Variants in SLC26A7 observed in about 807,000 individuals in gnomAD.
SLC26A7 encodes solute carrier family 26 member 7.
In SLC26A7, 59 loss-of-function variants were observed where a neutral mutation model predicts 82.5. The observed-to-expected ratio is 0.72, with a 90% CI of 0.58 to 0.89. The LOEUF (loss-of-function observed/expected upper bound fraction) is 0.89. Among genes scored for constraint, SLC26A7 ranks in the 40% least tolerant of loss-of-function variants. The probability of loss-of-function intolerance (pLI) is 0.00; values close to 1 mark genes in which losing one functional copy is unlikely to be tolerated. For missense variants in SLC26A7, 820 were observed against 793.0 expected, an observed-to-expected ratio of 1.03 and a Z score of -0.41; for synonymous variants, 271 against 274.3, an observed-to-expected ratio of 0.99 and a Z score of 0.12.
chr8:91,367,851 A>G (rs114469632), intron 14 of SLC26A7, among the ~76,000 whole-genome samples: 4,764 of 152,220 alleles, frequency 0.031, 263 homozygotes, highest in African/African-American at 0.11. Context: ...ATTTAGGTAC[A>G]CAGAAGATCT....
At chr8:91,358,199 T>G (rs1322207870) in intron 11 of SLC26A7, among the ~76,000 whole-genome samples, 2 of 152,190 alleles carry the variant, frequency 1.3e-5, no homozygotes, top group African/African-American at 4.8e-5. Flanking sequence ...GAAGACCGTG[T>G]GGCAATTCTT....
intron 3 of SLC26A7, among the ~76,000 whole-genome samples, chr8:91,295,227 T>C (rs1245107193): frequency 6.6e-6 from 1 of 152,222 alleles, no homozygotes; most frequent in African/African-American, 2.4e-5. Context: ...GGCCGTAATC[T>C]TATTTCCTGT....
At chr8:91,327,760 A>T (rs1306515546) in intron 5 of SLC26A7, among the ~76,000 whole-genome samples, 1 of 152,200 alleles carries the variant, frequency 6.6e-6, no homozygotes, top group East Asian at 1.9e-4. Flanking sequence ...TTGTTTCTCT[A>T]GTCAAACACT....
intron 2 of SLC26A7, among the ~76,000 whole-genome samples, chr8:91,251,028 T>C (rs1340149970): frequency 1.5e-5 from 2 of 129,116 alleles, no homozygotes; most frequent in Admixed American, 1.5e-4. Flanking sequence ...CCAATGTACT[T>C]TGAAAACTTA....
intron 4 of SLC26A7, among the ~76,000 whole-genome samples, chr8:91,308,169 C>G (rs1483940804): frequency 6.6e-6 from 1 of 151,806 alleles, no homozygotes; most frequent in South Asian, 2.1e-4. Context: ...AGGTAGTCTA[C>G]AGAATGCCCC....
intron 18 of SLC26A7, chr8:91,394,417 G>C (rs1425706088): frequency 1.5e-5 from 21 of 1,439,536 alleles, no homozygotes; most frequent in Non-Finnish European, 1.9e-5. Flanking sequence ...TTTCTGCTCT[G>C]ATATCTTGCC....
rs796785507 is a variant in SLC26A7 at position 91,357,759 on chromosome 8, G to T, written c.1315-4594G>T. On this transcript the variant is annotated intron_variant, in intron 11 of 18. Coordinates refer to ENST00000276609, the MANE Select transcript of SLC26A7 (RefSeq NM_052832.4). ...GCAACAAAAGCCAAAATTGACAAAT[G>T]GGATCTAACTAAACTAAAGAGCTTC... Among the ~76,000 whole-genome samples the T allele has an allele frequency of 2.0e-5, 3 of 152,142 alleles. No individual in the cohort carries two copies. In the South Asian group the frequency reaches 6.2e-4, roughly 32 times the overall value.
intron 15 of SLC26A7, among the ~76,000 whole-genome samples, chr8:91,385,397 A>C (rs1388243334): frequency 6.6e-6 from 1 of 152,238 alleles, no homozygotes; most frequent in Non-Finnish European, 1.5e-5. Flanking sequence ...AGAAAACTTC[A>C]CTTATTTTTG....
At chr8:91,349,354 CTT>C (rs1813653350) in intron 9 of SLC26A7, among the ~76,000 whole-genome samples, 1 of 152,106 alleles carries the variant, frequency 6.6e-6, no homozygotes, top group Admixed American at 6.6e-5. Flanking sequence ...TAACTCTTGA[CTT>C]ATTTTTACTA....
In SLC26A7 at chr8:91,258,502, C is replaced by T. The variant is rs564441138; in HGVS notation, c.193+8658C>T. On this transcript the variant is annotated intron_variant, in intron 2 of 18. Coordinates refer to ENST00000276609, the MANE Select transcript of SLC26A7 (RefSeq NM_052832.4). ...AATTAACCAAGTTCTGTAAATTCTT[C>T]CCTCTTAATGTCTGTCTAATACACC... Among the ~76,000 whole-genome samples, 9 of 152,162 alleles carry T rather than the reference C, an allele frequency of 5.9e-5. No homozygotes were observed. The South Asian group carries it at 6.2e-4, about 11-fold the overall frequency.
intron 4 of SLC26A7, among the ~76,000 whole-genome samples, chr8:91,311,473 A>G (rs1335330647): frequency 3.3e-5 from 5 of 152,206 alleles, no homozygotes; most frequent in Non-Finnish European, 5.9e-5. Flanking sequence ...ATACATATAT[A>G]TAATGTGGAA....
chr8:91,233,436 A>G (rs973266168), intron 2 of SLC26A7, among the ~76,000 whole-genome samples: 1 of 152,010 alleles, frequency 6.6e-6, no homozygotes, highest in East Asian at 1.9e-4. Flanking sequence ...GCATGGCGGC[A>G]CACACCTGTA....
At chr8:91,256,727 T>C (rs1810814256) in intron 2 of SLC26A7, among the ~76,000 whole-genome samples, 1 of 152,142 alleles carries the variant, frequency 6.6e-6, no homozygotes, top group Admixed American at 6.5e-5. Flanking sequence ...GTTGGGTTTC[T>C]TCTAGTCACC....
intron 4 of SLC26A7, among the ~76,000 whole-genome samples, chr8:91,311,917 A>G (rs1043203562): frequency 8.5e-5 from 13 of 152,178 alleles, no homozygotes; most frequent in African/African-American, 3.1e-4. Context: ...GAGATATTTC[A>G]CCTTCATCTG....
At chr8:91,340,308 T>C (rs1449594178) in intron 7 of SLC26A7, 96 bp from the exon 8 acceptor site, 2 of 1,462,548 alleles carry the variant, frequency 1.4e-6, no homozygotes, top group African/African-American at 2.8e-5. Context: ...TTAGTCTATG[T>C]AAACTTCAGA....
intron 2 of SLC26A7, among the ~76,000 whole-genome samples, chr8:91,260,305 C>G (rs527898941): frequency 6.6e-6 from 1 of 152,134 alleles, no homozygotes; most frequent in African/African-American, 2.4e-5. Flanking sequence ...AACTCACTCA[C>G]TATCACGAGA....
intron 4 of SLC26A7, among the ~76,000 whole-genome samples, chr8:91,307,983 G>T (rs909080940): frequency 7.9e-5 from 12 of 152,036 alleles, no homozygotes; most frequent in African/African-American, 2.9e-4. Context: ...ATAAGCATGA[G>T]CCACCATGCC....
chr8:91,309,451 A>G (rs1372134032), intron 4 of SLC26A7, among the ~76,000 whole-genome samples: 2 of 151,368 alleles, frequency 1.3e-5, no homozygotes, highest in Non-Finnish European at 2.9e-5. Context: ...GGCTCCTAAC[A>G]CTCACCATCC....
chr8:91,290,434 A>C (rs1188614564), intron 3 of SLC26A7, among the ~76,000 whole-genome samples: 1 of 152,174 alleles, frequency 6.6e-6, no homozygotes, highest in Non-Finnish European at 1.5e-5. Context: ...TGGGGGCTCT[A>C]GGGGCAATCC....
Sources: gnomAD v4.1 joint callset for allele counts (sites outside exome capture counted in the v4.1 genomes callset) on GRCh38, gnomAD v4.1.1 for gene constraint, MANE v1.5 for transcripts, NCBI Gene and HGNC (gene_info 2026-07-23, HGNC 2026-07-21) for gene names.